The following STPG2 variants were observed in gnomAD, a reference collection of about 807,000 sequenced individuals.
The protein encoded by STPG2 is sperm tail PG-rich repeat containing 2.
A neutral mutation model predicts 54.2 loss-of-function variants in STPG2; 56 were observed. The ratio of observed to expected loss-of-function variants is 1.03; its 90% CI spans 0.83 to 1.29. The LOEUF (loss-of-function observed/expected upper bound fraction) is 1.29. Ranked by LOEUF, STPG2 falls within the 50% of genes most tolerant of loss-of-function variation. The pLI is 0.00. For missense variants in STPG2, 596 were observed against 544.9 expected (o/e 1.09, Z -0.93); for synonymous variants, 200 against 181.8 (o/e 1.10, Z -0.81).
At chr4:97,481,577 G>A (rs972006540) in intron 4 of STPG2, among the ~76,000 whole-genome samples, 1 of 151,400 alleles carries the variant, frequency 6.6e-6, no homozygotes, top group African/African-American at 2.4e-5. Context: ...TTTGTTAAAT[G>A]TATCCCTAAT....
At chr4:97,559,259 C>G (rs1256019399) in intron 10 of STPG2, 142 bp from the exon 11 acceptor site, 2 of 578,200 alleles carry the variant, frequency 3.5e-6, no homozygotes, top group Non-Finnish European at 6.0e-6. Context: ...AATCTACTTA[C>G]ATCGATAGAG....
At chr4:97,587,725 G>A (rs1347500295) in intron 10 of STPG2, among the ~76,000 whole-genome samples, 1 of 151,796 alleles carries the variant, frequency 6.6e-6, no homozygotes, top group African/African-American at 2.4e-5. Flanking sequence ...CCAGTTCAAG[G>A]CCCCACCCCT....
chr4:97,813,071 T>C (rs535829), intron 9 of STPG2, among the ~76,000 whole-genome samples: 16,344 of 152,030 alleles, frequency 0.11, 1,266 homozygotes, highest in East Asian at 0.36. Context: ...AATATCCCAA[T>C]CTTAACTCTT....
intron 8 of STPG2, among the ~76,000 whole-genome samples, chr4:97,910,947 G>T (rs1165990830): frequency 2.0e-5 from 3 of 152,142 alleles, no homozygotes; most frequent in African/African-American, 7.2e-5. Context: ...TTCAACTAAG[G>T]TATCCAGGTT....
At chr4:98,049,152 C>T (rs1277249398) in intron 5 of STPG2, 1 of 151,844 alleles carries the variant, frequency 6.6e-6, no homozygotes, top group Non-Finnish European at 1.5e-5. Context: ...TCCTTTAAAG[C>T]AGAATTTGTC....
chr4:97,837,949 A>G (rs1187209138), intron 9 of STPG2, among the ~76,000 whole-genome samples: 1 of 151,534 alleles, frequency 6.6e-6, no homozygotes, highest in Non-Finnish European at 1.5e-5. Flanking sequence ...TTTTCCAATA[A>G]TTCTCTATAT....
intron 4 of STPG2, among the ~76,000 whole-genome samples, chr4:97,480,501 A>G (rs1730192760): frequency 6.6e-6 from 1 of 151,618 alleles, no homozygotes; most frequent in Non-Finnish European, 1.5e-5. Flanking sequence ...AGATAAAAAC[A>G]TTATAAAAAA....
chr4:97,812,991 T>C (rs1727789905), intron 9 of STPG2, among the ~76,000 whole-genome samples: 1 of 152,154 alleles, frequency 6.6e-6, no homozygotes, highest in Non-Finnish European at 1.5e-5. Context: ...TCAAAAATCT[T>C]GGAGTCATCT....
intron 10 of STPG2, among the ~76,000 whole-genome samples, chr4:97,608,835 T>C (rs2148913077): frequency 6.6e-6 from 1 of 152,220 alleles, no homozygotes; most frequent in Non-Finnish European, 1.5e-5. Context: ...ATATGTGTTC[T>C]AAAAGGTTTT....
chr4:97,459,219 C>A (rs1247386959), intron 4 of STPG2, among the ~76,000 whole-genome samples: 4 of 151,926 alleles, frequency 2.6e-5, no homozygotes, highest in Admixed American at 2.0e-4. Context: ...AGGAAGAGTG[C>A]AAATGATACA....
intron 5 of STPG2, among the ~76,000 whole-genome samples, chr4:98,019,144 G>A (rs954378776): frequency 4.1e-4 from 63 of 152,190 alleles, no homozygotes; most frequent in Non-Finnish European, 7.5e-4. Flanking sequence ...GACTTTTTAT[G>A]GTTTTAGGTC....
intron 5 of STPG2, among the ~76,000 whole-genome samples, chr4:98,063,912 G>A (rs889322921): frequency 6.6e-6 from 1 of 151,800 alleles, no homozygotes; most frequent in South Asian, 2.1e-4. Context: ...GGGTGTGGTG[G>A]TGTGCACATG....
chr4:97,614,762 A>C (rs1733817398), intron 10 of STPG2, among the ~76,000 whole-genome samples: 1 of 152,108 alleles, frequency 6.6e-6, no homozygotes. Flanking sequence ...TTTTCACTGA[A>C]AGCTCTGCTT....
chr4:97,719,429 T>C (rs1724382868), intron 9 of STPG2, among the ~76,000 whole-genome samples: 1 of 151,966 alleles, frequency 6.6e-6, no homozygotes. Flanking sequence ...ATTCCTTGGA[T>C]TCATCCCAAA....
At chr4:97,861,747 AAG>A (rs1729549558) in intron 8 of STPG2, among the ~76,000 whole-genome samples, 1 of 152,202 alleles carries the variant, frequency 6.6e-6, no homozygotes, top group Non-Finnish European at 1.5e-5. Flanking sequence ...TACAAGCCAG[AAG>A]AGAGTGGGGC....
At chr4:98,109,616 A>C (rs1739288359) in intron 3 of STPG2, among the ~76,000 whole-genome samples, 1 of 152,182 alleles carries the variant, frequency 6.6e-6, no homozygotes, top group Non-Finnish European at 1.5e-5. Flanking sequence ...AATGAAAATT[A>C]GCTCCTCATC....
chr4:97,573,725 AT>A (rs1276217995), intron 10 of STPG2, among the ~76,000 whole-genome samples: 1 of 152,128 alleles, frequency 6.6e-6, no homozygotes, highest in Non-Finnish European at 1.5e-5. Context: ...ATTAATTATC[AT>A]TTTCTTCATC....
At chr4:97,959,957 T>C (rs761073677) in intron 7 of STPG2, among the ~76,000 whole-genome samples, 1 of 152,102 alleles carries the variant, frequency 6.6e-6, no homozygotes, top group Non-Finnish European at 1.5e-5. Context: ...AACAAAATAC[T>C]AGCTCACTGA....
chr4:97,660,614 A>G (rs1245658661), intron 10 of STPG2, among the ~76,000 whole-genome samples: 1 of 152,190 alleles, frequency 6.6e-6, no homozygotes, highest in Non-Finnish European at 1.5e-5. Flanking sequence ...GATTTTTGCT[A>G]TAATCATTCA....
Sources: allele counts gnomAD v4.1 joint callset (sites outside exome capture counted in the v4.1 genomes callset), GRCh38; gene constraint gnomAD v4.1.1; transcripts MANE v1.5; gene names NCBI Gene and HGNC (gene_info 2026-07-23, HGNC 2026-07-21).